CSMD3: variants seen among roughly 807,000 people sequenced by gnomAD.
CSMD3 encodes the protein CUB and sushi domain-containing protein 3.
Under a neutral mutation model 435.2 loss-of-function variants are expected in CSMD3, and 177 were observed. That is an observed-to-expected ratio of 0.41 (90% CI 0.36 to 0.46). The LOEUF (loss-of-function observed/expected upper bound fraction) is 0.46. Among genes scored for constraint, CSMD3 ranks in the 20% least tolerant of loss-of-function variants. The probability of loss-of-function intolerance (pLI) is 0.34; values close to 1 mark genes in which losing one functional copy is unlikely to be tolerated. For synonymous variants in CSMD3, 1,656 were observed against 1,520.5 expected, an observed-to-expected ratio of 1.09 and a Z score of -2.07; for missense variants, 4,265 against 4,504.6, an observed-to-expected ratio of 0.95 and a Z score of 1.52.
At chr8:113,227,325 A>C (rs1319339861) in intron 3 of CSMD3, among the ~76,000 whole-genome samples, 1 of 151,624 alleles carries the variant, frequency 6.6e-6, no homozygotes, top group Non-Finnish European at 1.5e-5. Context: ...CATGTGCCTT[A>C]CTTCATCAAT....
intron 68 of CSMD3, among the ~76,000 whole-genome samples, chr8:112,233,456 C>T (rs1200478318): frequency 6.6e-6 from 1 of 152,078 alleles, no homozygotes; most frequent in South Asian, 2.1e-4. Flanking sequence ...TACAATTAAA[C>T]AATCTGAGTG....
intron 10 of CSMD3, among the ~76,000 whole-genome samples, chr8:112,896,675 T>A (rs1350034124): frequency 6.6e-6 from 1 of 151,460 alleles, no homozygotes; most frequent in Non-Finnish European, 1.5e-5. Flanking sequence ...CAATGTTTGG[T>A]TTCATTCTTT....
At chr8:113,117,465 T>A (rs2090866670) in intron 4 of CSMD3, among the ~76,000 whole-genome samples, 1 of 152,168 alleles carries the variant, frequency 6.6e-6, no homozygotes. Context: ...GCTGTGGAAG[T>A]GGAGCCCTCA....
chr8:112,401,860 G>T (rs16883554), intron 35 of CSMD3, among the ~76,000 whole-genome samples: 2,724 of 152,212 alleles, frequency 0.018, 80 homozygotes, highest in African/African-American at 0.061. Flanking sequence ...TTTCCAAAAT[G>T]CAAAAATCTT....
chr8:112,546,320 A>T (rs1827177499), intron 27 of CSMD3, among the ~76,000 whole-genome samples: 1 of 152,192 alleles, frequency 6.6e-6, no homozygotes, highest in African/African-American at 2.4e-5. Flanking sequence ...TCAGGTAGAA[A>T]TGTGGAGAAA....
chr8:113,184,951 T>G (rs568291867), intron 3 of CSMD3, among the ~76,000 whole-genome samples: 2 of 152,200 alleles, frequency 1.3e-5, no homozygotes, highest in African/African-American at 4.8e-5. Flanking sequence ...ATGTCCAAAC[T>G]TTTTTCACCT....
At chr8:112,565,419 A>T (rs960787205) in intron 24 of CSMD3, among the ~76,000 whole-genome samples, 3 of 152,132 alleles carry the variant, frequency 2.0e-5, no homozygotes, top group Non-Finnish European at 2.9e-5. Context: ...TAAATTAAAG[A>T]CTAATTTATT....
intron 5 of CSMD3, among the ~76,000 whole-genome samples, chr8:113,095,709 A>G (rs1817453): frequency 0.67 from 102,202 of 152,042 alleles, 35,973 homozygotes; most frequent in East Asian, 0.95. Flanking sequence ...AATGATACAT[A>G]CAGTTTAAAA....
In CSMD3 at chr8:112,747,962, C is replaced by CAAAAAAAAAA. The variant is rs71309788; in HGVS notation, c.1972+52190_1972+52199dup. ...TGGGCGACAGAACAAGACTCCGTCT[C>CAAAAAAAAAA]AAAAAAAAAAAAAAAAAAAAAAAAC... On this transcript the variant is annotated intron_variant, in intron 13 of 70. Transcript: ENST00000297405. Among the ~76,000 whole-genome samples, 99 of 96,746 alleles carry CAAAAAAAAAA rather than the reference C, an allele frequency of 1.0e-3. 4 individuals are homozygous for CAAAAAAAAAA. The highest frequency in any genetic ancestry group is 3.4e-3 in the African/African-American group (89 of 25,984). The allele number at this position is 96,746 out of a possible 152,430, so 63.5% of individuals were successfully genotyped here.
intron 5 of CSMD3, among the ~76,000 whole-genome samples, chr8:113,094,866 T>C (rs1451284105): frequency 6.6e-6 from 1 of 151,920 alleles, no homozygotes; most frequent in Non-Finnish European, 1.5e-5. Context: ...GGTCAGGAGA[T>C]GGAGACCACC....
chr8:112,644,214 A>G (rs2074915480), intron 20 of CSMD3, among the ~76,000 whole-genome samples: 2 of 151,790 alleles, frequency 1.3e-5, no homozygotes, highest in Non-Finnish European at 2.9e-5. Context: ...TTTACCATTC[A>G]TAAGTTGTTA....
intron 12 of CSMD3, among the ~76,000 whole-genome samples, chr8:112,825,558 T>C (rs915136248): frequency 1.3e-5 from 2 of 152,152 alleles, no homozygotes; most frequent in African/African-American, 4.8e-5. Flanking sequence ...TTTCTGTTTG[T>C]TTGTTTTTCT....
chr8:113,311,262 G>A (rs527821616), intron 2 of CSMD3: 1 of 152,158 alleles, frequency 6.6e-6, no homozygotes, highest in African/African-American at 2.4e-5. Context: ...ACGGTGCTTT[G>A]CCAATATCAA....
chr8:112,511,794 G>A (rs1391424522), intron 28 of CSMD3, among the ~76,000 whole-genome samples: 2 of 152,090 alleles, frequency 1.3e-5, no homozygotes, highest in African/African-American at 4.8e-5. Context: ...AGAACTTCTT[G>A]GAGACACTCC....
At chr8:113,157,512 A>C (rs2091957157) in intron 4 of CSMD3, among the ~76,000 whole-genome samples, 1 of 151,588 alleles carries the variant, frequency 6.6e-6, no homozygotes, top group Non-Finnish European at 1.5e-5. Flanking sequence ...TTAGTTTTTC[A>C]TGTGATACAG....
chr8:112,858,098 C>T (rs2080717852), intron 11 of CSMD3, among the ~76,000 whole-genome samples: 1 of 151,604 alleles, frequency 6.6e-6, no homozygotes, highest in Non-Finnish European at 1.5e-5. Flanking sequence ...TTTAAACCAA[C>T]TCTGCTGATC....
chr8:113,055,382 C>T (rs1214055985), intron 5 of CSMD3, among the ~76,000 whole-genome samples: 1 of 152,188 alleles, frequency 6.6e-6, no homozygotes, highest in Non-Finnish European at 1.5e-5. Context: ...CTATTAAACT[C>T]TCATTTTTCA....
At chr8:112,564,283 TTTCCTTCTTCCTTTCCTTCTTCCTCTCC>T in intron 24 of CSMD3, among the ~76,000 whole-genome samples, 1 of 151,610 alleles carries the variant, frequency 6.6e-6, no homozygotes, top group Admixed American at 6.6e-5. Context: ...GGCCCTTTCC[TTTCCTTCTTCCTTTCCTTCTTCCTCTCC>T]TTCCTTCTTC....
intron 1 of CSMD3, among the ~76,000 whole-genome samples, chr8:113,429,929 A>G (rs2094660568): frequency 6.6e-6 from 1 of 152,224 alleles, no homozygotes; most frequent in Admixed American, 6.5e-5. Flanking sequence ...ATTTGTGACA[A>G]GATGAATGAA....
Sources: gnomAD v4.1 joint callset for allele counts (sites outside exome capture counted in the v4.1 genomes callset) on GRCh38, gnomAD v4.1.1 for gene constraint, MANE v1.5 for transcripts, NCBI Gene and HGNC (gene_info 2026-07-23, HGNC 2026-07-21) for gene names.